Variants in RAB38 observed in about 807,000 individuals in gnomAD.
The protein encoded by RAB38 is RAB38, member RAS oncogene family.
In RAB38, 15 loss-of-function variants were observed where a neutral mutation model predicts 18.4. That is an observed-to-expected ratio of 0.82 (90% CI 0.55 to 1.26). RAB38 has a LOEUF of 1.26. Ranked by LOEUF, RAB38 falls within the 50% of genes most tolerant of loss-of-function variation. RAB38 has a pLI of 0.00. For synonymous variants in RAB38, 101 were observed against 104.4 expected, an observed-to-expected ratio of 0.97 and a Z score of 0.20; for missense variants, 294 against 267.4, an observed-to-expected ratio of 1.10 and a Z score of -0.69.
the RAB38 span, among the ~76,000 whole-genome samples, chr11:87,924,672 C>CTG: frequency 6.6e-6 from 1 of 151,958 alleles, no homozygotes; most frequent in African/African-American, 2.4e-5. Flanking sequence ...TGAGATAACT[C>CTG]TTATAACAGA....
chr11:88,072,304 G>A, the RAB38 span, among the ~76,000 whole-genome samples: 17,537 of 152,148 alleles, frequency 0.12, 2,014 homozygotes, highest in East Asian at 0.33. Context: ...GGACACAGCC[G>A]AGGAAACAAT....
chr11:88,041,969 A>G, the RAB38 span, among the ~76,000 whole-genome samples: 46 of 152,140 alleles, frequency 3.0e-4, no homozygotes, highest in African/African-American at 1.1e-3. Context: ...CCTTATTAAA[A>G]TGGAGAACTA....
At chr11:87,869,743 A>T in the RAB38 span, among the ~76,000 whole-genome samples, 2 of 151,606 alleles carry the variant, frequency 1.3e-5, no homozygotes, top group Non-Finnish European at 1.5e-5. Flanking sequence ...AGTTGGAGAC[A>T]TCCCATCTAC....
intron 2 of RAB38, among the ~76,000 whole-genome samples, chr11:88,125,562 A>T (rs928366983): frequency 6.6e-5 from 10 of 152,036 alleles, no homozygotes; most frequent in Admixed American, 1.3e-4. Context: ...GGTGCCATAG[A>T]AAGACTCAGA....
At chr11:88,023,959 G>C in the RAB38 span, among the ~76,000 whole-genome samples, 1 of 151,884 alleles carries the variant, frequency 6.6e-6, no homozygotes, top group Non-Finnish European at 1.5e-5. Flanking sequence ...AAAACATTGA[G>C]GAAACTCTCC....
Position 88,113,933 on chromosome 11 carries a change from G to C in RAB38, c.*55C>G. Reference sequence around the variant, plus strand: ...TTTACCCAAAATGGTAAAAATAGAGGCACAATTTGTGGAACAATGAGGTCA... The same window carrying C: ...TTTACCCAAAATGGTAAAAATAGAGCCACAATTTGTGGAACAATGAGGTCA... On this transcript the variant is annotated 3_prime_UTR_variant, in exon 3 of 3. Coordinates refer to ENST00000243662, the MANE Select transcript of RAB38 (RefSeq NM_022337.3). 1 of 1,600,570 alleles carries C rather than the reference G, an allele frequency of 6.2e-7. No homozygotes were observed. Among genetic ancestry groups the C allele is most frequent in the Non-Finnish European group, 8.6e-7 (1 of 1,168,276 alleles).
the RAB38 span, among the ~76,000 whole-genome samples, chr11:88,005,737 G>A: frequency 2.0e-5 from 3 of 151,256 alleles, no homozygotes; most frequent in African/African-American, 7.3e-5. Context: ...GGGGTCTTAC[G>A]TTTAATTCTT....
At chr11:88,017,161 T>G in the RAB38 span, among the ~76,000 whole-genome samples, 1 of 151,904 alleles carries the variant, frequency 6.6e-6, no homozygotes, top group Non-Finnish European at 1.5e-5. Flanking sequence ...TACACAACCA[T>G]GGACATGAGA....
the RAB38 span, among the ~76,000 whole-genome samples, chr11:87,931,445 G>C: frequency 6.6e-6 from 1 of 151,974 alleles, no homozygotes; most frequent in African/African-American, 2.4e-5. Context: ...ACTAGGTTGG[G>C]AAATGTGTCT....
chr11:87,853,968 A>G, the RAB38 span, among the ~76,000 whole-genome samples: 1 of 152,100 alleles, frequency 6.6e-6, no homozygotes, highest in Non-Finnish European at 1.5e-5. Flanking sequence ...GCCATCTGGG[A>G]TTCATGTCCC....
the RAB38 span, among the ~76,000 whole-genome samples, chr11:87,904,492 C>G: frequency 4.0e-5 from 6 of 151,842 alleles, no homozygotes; most frequent in East Asian, 1.2e-3. Flanking sequence ...CAATACACCA[C>G]TGATGGGTGC....
chr11:87,834,480 C>A, the RAB38 span, among the ~76,000 whole-genome samples: 513 of 152,158 alleles, frequency 3.4e-3, 1 homozygote, highest in African/African-American at 0.012. Context: ...CCATAGAAAA[C>A]TAATACAGAG....
At chr11:87,867,457 T>C in the RAB38 span, among the ~76,000 whole-genome samples, 1 of 151,772 alleles carries the variant, frequency 6.6e-6, no homozygotes, top group African/African-American at 2.4e-5. Context: ...AACCTTTAGC[T>C]AAAAACCAAA....
intron 1 of RAB38, among the ~76,000 whole-genome samples, chr11:88,159,684 A>G (rs1943165699): frequency 6.6e-6 from 1 of 152,134 alleles, no homozygotes; most frequent in South Asian, 2.1e-4. Context: ...TCACAAGTAC[A>G]GCCATCTCAT....
chr11:88,042,573 G>C, the RAB38 span, among the ~76,000 whole-genome samples: 2 of 152,208 alleles, frequency 1.3e-5, no homozygotes, highest in Admixed American at 6.5e-5. Context: ...AAGCCAGAGA[G>C]TGTGCAAGGG....
At chr11:87,803,888 G>A in the RAB38 span, among the ~76,000 whole-genome samples, 8 of 152,242 alleles carry the variant, frequency 5.3e-5, no homozygotes, top group African/African-American at 1.7e-4. Context: ...CCCAAGGCCT[G>A]AGAATAACTT....
chr11:87,965,979 C>A, the RAB38 span, among the ~76,000 whole-genome samples: 1 of 152,082 alleles, frequency 6.6e-6, no homozygotes, highest in African/African-American at 2.4e-5. Flanking sequence ...AGCAAGTGCC[C>A]AGCAAAGGTG....
chr11:88,119,432 C>G (rs562199944), intron 2 of RAB38, among the ~76,000 whole-genome samples: 23 of 152,232 alleles, frequency 1.5e-4, no homozygotes, highest in South Asian at 4.1e-4. Flanking sequence ...TTGAGACACA[C>G]TCATATAATT....
the RAB38 span, among the ~76,000 whole-genome samples, chr11:88,083,026 C>G: frequency 5.9e-4 from 89 of 151,978 alleles, no homozygotes; most frequent in African/African-American, 1.9e-3. Flanking sequence ...GGTCACTTCA[C>G]TGTTCCTTAA....
Sources: gnomAD v4.1 joint callset for allele counts (sites outside exome capture counted in the v4.1 genomes callset) on GRCh38, gnomAD v4.1.1 for gene constraint, MANE v1.5 for transcripts, NCBI Gene and HGNC (gene_info 2026-07-23, HGNC 2026-07-21) for gene names.